Variants in GNA13 observed in about 807,000 individuals in gnomAD.
GNA13 encodes G protein subunit alpha 13, also known as guanine nucleotide-binding protein subunit alpha-13.
Under a neutral mutation model 33.5 loss-of-function variants are expected in GNA13, and 4 were observed. The ratio of observed to expected loss-of-function variants is 0.12; its 90% CI spans 0.06 to 0.27. The LOEUF (loss-of-function observed/expected upper bound fraction) is 0.27, where lower values mean the gene tolerates loss of function less well. GNA13 is among the 10% of genes least tolerant of loss of function. The pLI, the probability that GNA13 is intolerant of heterozygous loss-of-function variation, is 1.00. For missense variants in GNA13, 319 were observed against 487.2 expected (o/e 0.65, Z 3.25); for synonymous variants, 176 against 183.8 (o/e 0.96, Z 0.34).
At chr17:65,027,719 C>A (rs950977112) in intron 2 of GNA13, among the ~76,000 whole-genome samples, 1 of 152,180 alleles carries the variant, frequency 6.6e-6, no homozygotes, top group Non-Finnish European at 1.5e-5. Context: ...ACTAGGAACA[C>A]TGACATGCTA....
At chr17:65,042,628 T>C (rs1423429235) in intron 2 of GNA13, among the ~76,000 whole-genome samples, 2 of 151,862 alleles carry the variant, frequency 1.3e-5, no homozygotes, top group African/African-American at 2.4e-5. Flanking sequence ...TCCCAGCTAC[T>C]TGGGAGGCCA....
chr17:65,045,636 G>C (rs949075935), intron 2 of GNA13, among the ~76,000 whole-genome samples: 1 of 151,998 alleles, frequency 6.6e-6, no homozygotes, highest in Non-Finnish European at 1.5e-5. Context: ...TAGTGATTAG[G>C]ATAAAATGTA....
At chr17:65,031,917 AGAGAGTGTGTGTGTGTGTGT>A (rs1270926196) in intron 2 of GNA13, among the ~76,000 whole-genome samples, 4 of 128,246 alleles carry the variant, frequency 3.1e-5, no homozygotes, top group African/African-American at 1.3e-4. Flanking sequence ...AGAGAGAGAG[AGAGAGTGTGTGTGTGTGTGT>A]GTGTGTGTGT....
intron 3 of GNA13, among the ~76,000 whole-genome samples, chr17:65,017,337 A>C (rs1187793339): frequency 6.6e-6 from 1 of 152,212 alleles, no homozygotes; most frequent in East Asian, 1.9e-4. Flanking sequence ...AACTTCATGC[A>C]ATCGAGTGCT....
At position 65,018,092 on chromosome 17, in the gene GNA13, TAAAAAAAAAAAAAAAAAAAAAAAAA is replaced by T. The variant is rs767082596; in HGVS notation, c.561+136_561+160del. The stretch of plus-strand genomic sequence containing the variant: ...CAGAGAAGAATCAGAACGCCACCAC[TAAAAAAAAAAAAAAAAAAAAAAAAA>T]AAAAAAAAAAAAAAAAAAAAAAGAG... On this transcript the variant is annotated intron_variant, in intron 3 of 3. Transcript: ENST00000439174. 1.6e-3 allele frequency among the ~76,000 whole-genome samples: 34 copies of T among 21,512 alleles called. 2 individuals carry two copies. The South Asian group carries it at 0.046, about 29-fold the overall frequency. 14.1% of individuals were successfully genotyped at this position (21,512 alleles called of 152,430 possible).
At chr17:65,027,465 T>C (rs1906835193) in intron 2 of GNA13, among the ~76,000 whole-genome samples, 1 of 152,082 alleles carries the variant, frequency 6.6e-6, no homozygotes, top group Admixed American at 6.6e-5. Context: ...CCTTTAAAAA[T>C]CTAAGAAAAC....
chr17:65,040,713 G>A (rs763539609), intron 2 of GNA13, among the ~76,000 whole-genome samples: 22 of 152,040 alleles, frequency 1.4e-4, no homozygotes, highest in Admixed American at 2.6e-4. Flanking sequence ...GGATGGTCTC[G>A]CTTTCCTGAC....
chr17:65,049,007 A>G (rs1437495251), intron 2 of GNA13, among the ~76,000 whole-genome samples: 3 of 152,242 alleles, frequency 2.0e-5, no homozygotes, highest in Non-Finnish European at 2.9e-5. Flanking sequence ...AATTATAATT[A>G]CACAAGAACT....
At chr17:65,041,121 G>A (rs1056123976) in intron 2 of GNA13, among the ~76,000 whole-genome samples, 2 of 152,096 alleles carry the variant, frequency 1.3e-5, no homozygotes, top group Non-Finnish European at 2.9e-5. Flanking sequence ...TTTTTAAAAA[G>A]AGACTAAGAA....
At chr17:65,046,438 G>A (rs1357875923) in intron 2 of GNA13, among the ~76,000 whole-genome samples, 11 of 152,014 alleles carry the variant, frequency 7.2e-5, no homozygotes, top group Non-Finnish European at 1.3e-4. Flanking sequence ...CTACAGGCAC[G>A]TGCCACTGCG....
At chr17:65,018,134 AAAAAAG>A (rs1906446074) in intron 3 of GNA13, 113 bp downstream of exon 3, 2 of 101,646 alleles carry the variant, frequency 2.0e-5, no homozygotes, top group African/African-American at 3.4e-5. Context: ...AAAAAAAAAA[AAAAAAG>A]AGAGAAAGAA....
At chr17:65,047,757 G>A (rs1324889280) in intron 2 of GNA13, among the ~76,000 whole-genome samples, 1 of 151,760 alleles carries the variant, frequency 6.6e-6, no homozygotes, top group Admixed American at 6.6e-5. Context: ...CTCCCCAGAA[G>A]CTGGGACTAC....
intron 2 of GNA13, among the ~76,000 whole-genome samples, chr17:65,035,541 AT>A (rs1907212151): frequency 6.6e-6 from 1 of 152,342 alleles, no homozygotes; most frequent in East Asian, 1.9e-4. Flanking sequence ...ATGTTTTAAA[AT>A]TTTAAACTTA....
Position 65,009,876 on chromosome 17 carries a change from C to CA in GNA13, c.*4380dup, listed in dbSNP as rs1239912029. The stretch of plus-strand genomic sequence containing the variant: ...AAGGACAATTTCTCACTTACTATGG[C>CA]AAAAAATATTATATACAAGCTTTCT... On this transcript the variant is annotated 3_prime_UTR_variant, in exon 4 of 4. Transcript: ENST00000439174. 6.6e-6 allele frequency among the ~76,000 whole-genome samples: 1 copy of CA among 152,026 alleles called. No homozygotes were observed. Among genetic ancestry groups the CA allele is most frequent in the Non-Finnish European group, 1.5e-5 (1 of 68,002 alleles).
At chr17:65,043,676 G>T (rs180954452) in intron 2 of GNA13, among the ~76,000 whole-genome samples, 1 of 152,010 alleles carries the variant, frequency 6.6e-6, no homozygotes, top group African/African-American at 2.4e-5. Flanking sequence ...TTACTATTTA[G>T]ATTAAAAAAC....
rs1044296112 is a variant in GNA13 at position 65,013,335 on chromosome 17, G to T, written c.*922C>A. The T allele has an allele frequency of 3.9e-4, 82 of 209,204 alleles. No individual in the cohort carries two copies. Among genetic ancestry groups the T allele is most frequent in the African/African-American group, 1.6e-3 (72 of 44,182 alleles). The allele number at this position is 209,204 out of a possible 1,614,324, so 13.0% of individuals were successfully genotyped here. A position where few individuals can be genotyped will look rare whatever the true frequency, so the allele number is the denominator to read the frequency against. On this transcript the variant is annotated 3_prime_UTR_variant, in exon 4 of 4. Transcript: ENST00000439174. Reference sequence around the variant, plus strand: ...GATGATACAACAATGATTTCCTACAGTAAGGATTGGTCTTTACTGACCAAC... The same window carrying T: ...GATGATACAACAATGATTTCCTACATTAAGGATTGGTCTTTACTGACCAAC...
chr17:65,013,688 A>C lies in GNA13; in HGVS notation c.*569T>G, dbSNP rs1906268455. 4.8e-6 allele frequency: 1 copy of C among 209,016 alleles called. No individual in the cohort carries two copies. The highest frequency in any genetic ancestry group is 2.3e-5 in the African/African-American group (1 of 43,984). The allele number at this position is 209,016 out of a possible 1,614,324, so 12.9% of individuals were successfully genotyped here. On this transcript the variant is annotated 3_prime_UTR_variant, in exon 4 of 4. Transcript: ENST00000439174. ...ACCTTCAGAAACACAGAAATCTAAA[A>C]GCAAAACAGCTGTTGTGTATACAAG...
At chr17:65,055,840 G>T in intron 1 of GNA13, 1 of 748,208 alleles carries the variant, frequency 1.3e-6, no homozygotes, top group Non-Finnish European at 1.6e-6. Context: ...GAGCGCATGC[G>T]ACCCCATGTG....
Position 65,013,180 on chromosome 17 carries a change from A to G in GNA13, c.*1077T>C, listed in dbSNP as rs975828833. ...CCAAGAATGAACAGGAATCTCAAAT[A>G]ATGCCTTCTTGAATAGTCTTGACAG... is the stretch of plus-strand genomic sequence containing the variant. On this transcript the variant is annotated 3_prime_UTR_variant, in exon 4 of 4. Coordinates refer to ENST00000439174, the MANE Select transcript of GNA13 (RefSeq NM_006572.6). 3 of 204,510 alleles carry G rather than the reference A, an allele frequency of 1.5e-5. No individual in the cohort carries two copies. The highest frequency in any genetic ancestry group is 3.0e-5 in the Non-Finnish European group (3 of 99,830). The allele number at this position is 204,510 out of a possible 1,614,324, so 12.7% of individuals were successfully genotyped here. A position where few individuals can be genotyped will look rare whatever the true frequency, so the allele number is the denominator to read the frequency against.
Sources: allele counts gnomAD v4.1 joint callset (sites outside exome capture counted in the v4.1 genomes callset), GRCh38; gene constraint gnomAD v4.1.1; transcripts MANE v1.5; gene names NCBI Gene and HGNC (gene_info 2026-07-23, HGNC 2026-07-21).